The following ITGB1 variants were observed in gnomAD, a reference collection of about 807,000 sequenced individuals.
ITGB1 encodes the protein integrin subunit beta 1.
In ITGB1, 24 loss-of-function variants were observed where a neutral mutation model predicts 86.5. That is an observed-to-expected ratio of 0.28 (90% CI 0.20 to 0.39). ITGB1 has a LOEUF of 0.39. Among genes scored for constraint, ITGB1 ranks in the 10% least tolerant of loss-of-function variants. The pLI, the probability that ITGB1 is intolerant of heterozygous loss-of-function variation, is 1.00. For synonymous variants in ITGB1, 323 were observed against 316.8 expected (o/e 1.02, Z -0.21); for missense variants, 556 against 946.9 (o/e 0.59, Z 5.42).
intron 7 of ITGB1, among the ~76,000 whole-genome samples, chr10:32,923,263 T>C (rs2094955382): frequency 6.6e-6 from 1 of 152,226 alleles, no homozygotes; most frequent in Non-Finnish European, 1.5e-5. Context: ...TGAGACTAGA[T>C]AAATTATTTA....
At chr10:32,937,935 C>CAT (rs2095008064) in intron 1 of ITGB1, among the ~76,000 whole-genome samples, 1 of 152,202 alleles carries the variant, frequency 6.6e-6, no homozygotes, top group African/African-American at 2.4e-5. Context: ...GGATGCTATT[C>CAT]CCCTGGCTCA....
chr10:32,919,809 G>A, intron 11 of ITGB1, 76 bp downstream of exon 11: 1 of 1,276,728 alleles, frequency 7.8e-7, no homozygotes, highest in Non-Finnish European at 1.1e-6. Flanking sequence ...ATATTCTCTG[G>A]ATGTCCCAAA....
At chr10:32,933,035 C>T (rs895570654) in intron 2 of ITGB1, among the ~76,000 whole-genome samples, 1 of 152,036 alleles carries the variant, frequency 6.6e-6, no homozygotes, top group Admixed American at 6.6e-5. Flanking sequence ...TACCCATTAA[C>T]ACTCCCGACT....
chr10:32,943,709 T>C (rs2095024616), intron 1 of ITGB1, among the ~76,000 whole-genome samples: 1 of 151,940 alleles, frequency 6.6e-6, no homozygotes, highest in African/African-American at 2.4e-5. Context: ...TTGTTTTAGC[T>C]AGGGTTCTGT....
intron 1 of ITGB1, among the ~76,000 whole-genome samples, chr10:32,940,371 A>C (rs2137249102): frequency 6.6e-6 from 1 of 152,178 alleles, no homozygotes; most frequent in African/African-American, 2.4e-5. Context: ...TTAACAATAT[A>C]GTGCAGTAAA....
At chr10:32,955,405 C>T (rs1438012343) in intron 1 of ITGB1, among the ~76,000 whole-genome samples, 2 of 152,182 alleles carry the variant, frequency 1.3e-5, no homozygotes, top group African/African-American at 2.4e-5. Context: ...CAGCTTGTTA[C>T]ATATTCAGAA....
intron 11 of ITGB1, 59 bp from the exon 12 acceptor site, chr10:32,912,183 A>G: frequency 7.0e-7 from 1 of 1,422,678 alleles, no homozygotes; most frequent in South Asian, 1.2e-5. Context: ...AGAGGTTCCA[A>G]GATGGCCAAA....
At chr10:32,943,691 C>A (rs1180869557) in intron 1 of ITGB1, among the ~76,000 whole-genome samples, 2 of 151,946 alleles carry the variant, frequency 1.3e-5, no homozygotes, top group Non-Finnish European at 2.9e-5. Flanking sequence ...AAATACAGTA[C>A]CAGGTCATTG....
At chr10:32,935,388 G>A in intron 2 of ITGB1, 104 bp downstream of exon 2, 1 of 708,106 alleles carries the variant, frequency 1.4e-6, no homozygotes, top group South Asian at 1.7e-5. Flanking sequence ...CTTCCAGAAG[G>A]AGCAGCATGA....
At chr10:32,905,640 G>A (rs1034444162) in intron 15 of ITGB1, among the ~76,000 whole-genome samples, 5 of 152,188 alleles carry the variant, frequency 3.3e-5, no homozygotes, top group Admixed American at 1.3e-4. Flanking sequence ...CTAACCAGCC[G>A]TGGGAACTCG....
chr10:32,915,563 G>C (rs958988589), intron 11 of ITGB1, among the ~76,000 whole-genome samples: 4 of 152,182 alleles, frequency 2.6e-5, no homozygotes, highest in Non-Finnish European at 5.9e-5. Context: ...GGAAAATCTA[G>C]AAGAAATGGA....
chr10:32,947,304 A>G (rs1030196241), intron 1 of ITGB1, among the ~76,000 whole-genome samples: 8 of 151,926 alleles, frequency 5.3e-5, no homozygotes, highest in African/African-American at 1.2e-4. Context: ...AAATAAAAAA[A>G]AAAGAAAGAA....
At chr10:32,927,918 A>C (rs2094970511) in intron 5 of ITGB1, among the ~76,000 whole-genome samples, 176 bp downstream of exon 5, 2 of 152,242 alleles carry the variant, frequency 1.3e-5, no homozygotes, top group Non-Finnish European at 2.9e-5. Context: ...ACAAGGTGGC[A>C]GAAAAGATTA....
intron 11 of ITGB1, among the ~76,000 whole-genome samples, chr10:32,915,733 G>A (rs1373488144): frequency 2.6e-5 from 4 of 152,142 alleles, no homozygotes; most frequent in Non-Finnish European, 5.9e-5. Context: ...TCTACCAGAG[G>A]TACAAACAGA....
At position 32,908,514 on chromosome 10, in the gene ITGB1, T is replaced by A. The variant is rs771232092; in HGVS notation, c.2185A>T (p.Ile729Phe). The change falls in exon 15 of 16, where the codon ATC becomes TTC. Residue 729 changes from isoleucine to phenylalanine, a missense_variant. Transcript: ENST00000302278. ...ACCACACCAGCTACAATTGGAATGA[T>A]GTCTGGACCAGTGGGACACTCTGGA... ...ENPECPTGPD[I>F]IPIVAGVVAG... is the part of the protein sequence containing the mutation. The A allele has an allele frequency of 1.9e-6, 3 of 1,613,842 alleles. No individual in the cohort carries two copies. The highest frequency in any genetic ancestry group is 4.5e-5 in the East Asian group (2 of 44,852).
chr10:32,957,247 CAA>C (rs958714292), intron 1 of ITGB1, among the ~76,000 whole-genome samples: 2 of 152,134 alleles, frequency 1.3e-5, no homozygotes, highest in African/African-American at 4.8e-5. Context: ...CCAATGAGTG[CAA>C]AGTTTTGGAC....
chr10:32,939,013 A>C (rs1411084101), intron 1 of ITGB1, among the ~76,000 whole-genome samples: 1 of 152,140 alleles, frequency 6.6e-6, no homozygotes, highest in Non-Finnish European at 1.5e-5. Flanking sequence ...ATGCGCATGG[A>C]AGGGGAAGGA....
intron 11 of ITGB1, among the ~76,000 whole-genome samples, chr10:32,918,798 C>T (rs1275261764): frequency 6.6e-6 from 1 of 151,652 alleles, no homozygotes; most frequent in Non-Finnish European, 1.5e-5. Context: ...TAAAAAAATA[C>T]AATAAACACA....
At chr10:32,937,690 T>C (rs2095007259) in intron 1 of ITGB1, among the ~76,000 whole-genome samples, 1 of 151,848 alleles carries the variant, frequency 6.6e-6, no homozygotes, top group Non-Finnish European at 1.5e-5. Context: ...TAGTTTCATA[T>C]AATCTGAAGA....
Sources: allele counts gnomAD v4.1 joint callset (sites outside exome capture counted in the v4.1 genomes callset), GRCh38; gene constraint gnomAD v4.1.1; transcripts MANE v1.5; gene names NCBI Gene and HGNC (gene_info 2026-07-23, HGNC 2026-07-21).